Variants in RYR2 observed in about 807,000 individuals in gnomAD.
The protein encoded by RYR2 is ryanodine receptor 2, also known as cardiac muscle ryanodine receptor-calcium release channel.
Under a neutral mutation model 601.1 loss-of-function variants are expected in RYR2, and 227 were observed. The ratio of observed to expected loss-of-function variants is 0.38; its 90% CI spans 0.34 to 0.42. RYR2 has a LOEUF of 0.42. Among genes scored for constraint, RYR2 ranks in the 10% least tolerant of loss-of-function variants. The pLI is 1.00. For synonymous variants in RYR2, 2,223 were observed against 2,175.1 expected, an observed-to-expected ratio of 1.02 and a Z score of -0.61; for missense variants, 4,646 against 6,156.5, an observed-to-expected ratio of 0.75 and a Z score of 8.21.
intron 1 of RYR2, among the ~76,000 whole-genome samples, chr1:237,184,878 T>G (rs990671752): frequency 1.1e-5 from 1 of 94,418 alleles, no homozygotes; most frequent in Non-Finnish European, 1.9e-5. Flanking sequence ...GTGAAGAGGG[T>G]TTTTTTTTTT....
chr1:237,687,518 T>TG lies in RYR2; in HGVS notation c.9067+15dup. The stretch of plus-strand genomic sequence containing the variant: ...TTTCACTATTTGGTAAGGAGACCCT[T>TG]GAAAAAATACAAGCATGGCCATCAC... On this transcript the variant is annotated intron_variant, in intron 63 of 104. Coordinates refer to ENST00000366574, the MANE Select transcript of RYR2 (RefSeq NM_001035.3). The TG allele has an allele frequency of 6.3e-7, 1 of 1,599,578 alleles. No individual in the cohort carries two copies. The highest frequency in any genetic ancestry group is 8.6e-7 in the Non-Finnish European group (1 of 1,168,898).
chr1:237,637,511 G>A (rs1237944990), intron 44 of RYR2, among the ~76,000 whole-genome samples: 1 of 152,200 alleles, frequency 6.6e-6, no homozygotes, highest in African/African-American at 2.4e-5. Context: ...GGCTAAAAAA[G>A]TAAAAGTAAC....
At position 237,286,541 on chromosome 1, in the gene RYR2, T is replaced by C. The variant is rs933090166; in HGVS notation, c.168+15925T>C. ...TGTTAAGTCCATTTCTTCCAATGTG[T>C]AGTTTAAATCCATTCTTTACTTTTT... is the stretch of plus-strand genomic sequence containing the variant. On this transcript the variant is annotated intron_variant, in intron 2 of 104. Transcript: ENST00000366574. Among the ~76,000 whole-genome samples the C allele has an allele frequency of 1.3e-5, 2 of 151,330 alleles. 1 individual carries two copies. Among genetic ancestry groups the C allele is most frequent in the Non-Finnish European group, 2.9e-5 (2 of 67,930 alleles).
At chr1:237,709,383 T>G in intron 69 of RYR2, 97 bp from the exon 70 acceptor site, 1 of 808,412 alleles carries the variant, frequency 1.2e-6, no homozygotes, top group East Asian at 2.7e-5. Flanking sequence ...TCATGAGCTC[T>G]GTGGTCAGTA....
intron 2 of RYR2, among the ~76,000 whole-genome samples, chr1:237,309,597 C>T (rs541884008): frequency 2.0e-5 from 3 of 152,378 alleles, no homozygotes; most frequent in East Asian, 3.9e-4. Flanking sequence ...GGGCCGCAGG[C>T]GGAGCTGCCA....
intron 2 of RYR2, among the ~76,000 whole-genome samples, chr1:237,314,133 C>G (rs1440641933): frequency 7.2e-6 from 1 of 138,898 alleles, no homozygotes; most frequent in African/African-American, 2.6e-5. Flanking sequence ...GGCACAATCT[C>G]AGCTCACTGC....
intron 2 of RYR2, among the ~76,000 whole-genome samples, chr1:237,298,565 CT>C (rs944984400): frequency 1.3e-5 from 2 of 151,768 alleles, no homozygotes; most frequent in African/African-American, 4.8e-5. Context: ...AACCTTGGCT[CT>C]ATTAGCTTCA....
chr1:237,409,891 T>A (rs1704274896), intron 10 of RYR2, among the ~76,000 whole-genome samples: 1 of 152,284 alleles, frequency 6.6e-6, no homozygotes, highest in Non-Finnish European at 1.5e-5. Context: ...GGATTCATGA[T>A]CAAAATTTGA....
At chr1:237,808,801 G>A in intron 99 of RYR2, 100 bp from the exon 100 acceptor site, 2 of 1,095,426 alleles carry the variant, frequency 1.8e-6, no homozygotes, top group Non-Finnish European at 2.8e-6. Flanking sequence ...AGTAAACACG[G>A]CTGTGTTCTC....
intron 1 of RYR2, among the ~76,000 whole-genome samples, chr1:237,265,769 T>C (rs1689003649): frequency 6.6e-6 from 1 of 152,192 alleles, no homozygotes; most frequent in Non-Finnish European, 1.5e-5. Context: ...AACCATTCAG[T>C]GGATTTTGAA....
chr1:237,759,378 G>A (rs956433937), intron 82 of RYR2, among the ~76,000 whole-genome samples: 2 of 152,054 alleles, frequency 1.3e-5, no homozygotes, highest in Non-Finnish European at 2.9e-5. Context: ...GAACCACCAC[G>A]CCCAGCCTGT....
In RYR2 at chr1:237,639,113, C is replaced by T; in HGVS notation, c.7027C>T (p.Leu2343Phe). 6.2e-7 allele frequency: 1 copy of T among 1,613,842 alleles called. No homozygotes were observed. Among genetic ancestry groups the T allele is most frequent in the South Asian group, 1.1e-5 (1 of 91,064 alleles). Residue 2343 changes from leucine (L) to phenylalanine (F), a missense_variant, in exon 46 of 105, where the codon CTT becomes TTT. Coordinates refer to ENST00000366574, the MANE Select transcript of RYR2 (RefSeq NM_001035.3). ...PALRGEGGNG[L>F]LAAMEEAIKI... Reference sequence around the variant, plus strand: ...TTTGAGAGGAGAAGGTGGGAATGGGCTTCTTGCAGCAATGGAAGAAGCCAT... The same window carrying T: ...TTTGAGAGGAGAAGGTGGGAATGGGTTTCTTGCAGCAATGGAAGAAGCCAT...
chr1:237,743,678 A>G, intron 80 of RYR2: 1 of 508,884 alleles, frequency 2.0e-6, no homozygotes, highest in South Asian at 1.5e-5. Flanking sequence ...GTTTCTTGTG[A>G]CATTTACCTT....
chr1:237,408,535 T>C, intron 10 of RYR2, among the ~76,000 whole-genome samples: 1 of 152,004 alleles, frequency 6.6e-6, no homozygotes, highest in South Asian at 2.1e-4. Flanking sequence ...TCCACTGACC[T>C]GTTTGTCTGT....
In RYR2 at chr1:237,814,969, T is replaced by TC. The variant is rs1316179228; in HGVS notation, c.14434-4067_14434-4066insC. Among the ~76,000 whole-genome samples the TC allele has an allele frequency of 4.5e-3, 595 of 130,796 alleles. 4 individuals carry two copies. The highest frequency in any genetic ancestry group is 0.016 in the African/African-American group (554 of 33,686). 85.8% of individuals were successfully genotyped at this position (130,796 alleles called of 152,430 possible). ...TCTGCTCCTTTTTTCTTTTTTCTTTTTTTTTTTTTTTTTTTGCCAAGATGA... is the reference window on the plus strand; with the variant it reads ...TCTGCTCCTTTTTTCTTTTTTCTTTTCTTTTTTTTTTTTTTTGCCAAGATGA... On this transcript the variant is annotated intron_variant, in intron 100 of 104. Transcript: ENST00000366574.
intron 1 of RYR2, among the ~76,000 whole-genome samples, chr1:237,198,770 C>T (rs1294999425): frequency 1.3e-5 from 2 of 151,548 alleles, no homozygotes; most frequent in African/African-American, 4.8e-5. Context: ...TTTTTAGGGC[C>T]TTGGAAAACT....
chr1:237,502,844 A>G (rs1558930323), intron 21 of RYR2, among the ~76,000 whole-genome samples: 1 of 149,106 alleles, frequency 6.7e-6, no homozygotes, highest in Non-Finnish European at 1.5e-5. Flanking sequence ...AAAAAAAAAA[A>G]AAGAAAAGAA....
At chr1:237,812,834 C>T (rs969207492) in intron 100 of RYR2, among the ~76,000 whole-genome samples, 1 of 152,070 alleles carries the variant, frequency 6.6e-6, no homozygotes, top group Non-Finnish European at 1.5e-5. Flanking sequence ...TTCTTAAAAC[C>T]ATCTCCTATC....
At chr1:237,115,312 T>C (rs924178069) in intron 1 of RYR2, among the ~76,000 whole-genome samples, 3 of 152,084 alleles carry the variant, frequency 2.0e-5, no homozygotes, top group African/African-American at 7.2e-5. Flanking sequence ...GACCATCCAT[T>C]GTACAAGAAG....
Sources: allele counts gnomAD v4.1 joint callset (sites outside exome capture counted in the v4.1 genomes callset), GRCh38; gene constraint gnomAD v4.1.1; transcripts MANE v1.5; gene names NCBI Gene and HGNC (gene_info 2026-07-23, HGNC 2026-07-21).